SPEF2: variants seen among roughly 807,000 people sequenced by gnomAD.
The protein encoded by SPEF2 is sperm flagellar and cilia associated 2.
In SPEF2, 187 loss-of-function variants were observed where a neutral mutation model predicts 224.6. That is an observed-to-expected ratio of 0.83 (90% confidence interval 0.74 to 0.94). The LOEUF (loss-of-function observed/expected upper bound fraction) is 0.94. Ranked by LOEUF, SPEF2 falls within the 40% of genes least tolerant of loss-of-function variation. The pLI, the probability that SPEF2 is intolerant of heterozygous loss-of-function variation, is 0.00. For synonymous variants in SPEF2, 715 were observed against 707.3 expected (o/e 1.01, Z -0.17); for missense variants, 2,170 against 2,135.6 (o/e 1.02, Z -0.32).
chr5:35,781,363 C>T (rs1754314681), intron 30 of SPEF2: 1 of 152,032 alleles, frequency 6.6e-6, no homozygotes, highest in Non-Finnish European at 1.5e-5. Context: ...TGGAGCAAAA[C>T]TTTGGAGGGA....
intron 19 of SPEF2, among the ~76,000 whole-genome samples, chr5:35,711,575 C>A (rs187829384): frequency 7.2e-6 from 1 of 139,626 alleles, no homozygotes; most frequent in African/African-American, 2.6e-5. Context: ...TTCTTTCTTT[C>A]CCTCCCTCTC....
At chr5:35,775,853 G>C (rs765957255) in intron 28 of SPEF2, among the ~76,000 whole-genome samples, 1 of 152,126 alleles carries the variant, frequency 6.6e-6, no homozygotes, top group Non-Finnish European at 1.5e-5. Context: ...AGGCCCAGGG[G>C]CACATGGAGT....
chr5:35,669,956 T>G, intron 9 of SPEF2, 103 bp from the exon 10 acceptor site: 1 of 881,156 alleles, frequency 1.1e-6, no homozygotes, highest in Non-Finnish European at 1.7e-6. Context: ...TATTTCTGTC[T>G]GATGAAAGTG....
Position 35,739,956 on chromosome 5 carries a change from T to C in SPEF2, c.3101T>C (p.Ile1034Thr), listed in dbSNP as rs767754990. The change falls in exon 22 of 37, where the codon ATA (isoleucine) becomes ACA (threonine). Residue 1034 changes from isoleucine to threonine, a missense_variant. Ile to Thr is a moderately conservative substitution (Grantham distance 89, BLOSUM62 -1). Transcript: ENST00000356031. ...TTTTTAGTACCTTACTGGGAACTAA[T>C]AGAAAATTCCTATATAAACACCATC... The part of the protein sequence containing the change: ...PLFLVPYWEL[I>T]ENSYINTIKT... 4 of 1,614,084 alleles carry C rather than the reference T, an allele frequency of 2.5e-6. No homozygotes were observed. The highest frequency in any genetic ancestry group is 1.1e-5 in the South Asian group (1 of 91,080).
chr5:35,715,915 CG>C (rs775863857), intron 20 of SPEF2, among the ~76,000 whole-genome samples: 1 of 143,888 alleles, frequency 6.9e-6, no homozygotes, highest in Non-Finnish European at 1.5e-5. Context: ...CTCTAAAAAG[CG>C]TATCAGTTAG....
intron 8 of SPEF2, among the ~76,000 whole-genome samples, chr5:35,662,130 G>A (rs1236106693): frequency 6.6e-6 from 1 of 152,148 alleles, no homozygotes. Flanking sequence ...TGACTGGTAT[G>A]AGATGGTATC....
chr5:35,773,756 G>C (rs1177863874), intron 27 of SPEF2, 137 bp from the exon 28 acceptor site: 2 of 984,208 alleles, frequency 2.0e-6, no homozygotes, highest in Non-Finnish European at 2.8e-6. Context: ...ATGCTGGGAG[G>C]ACCAAGGTTT....
intron 36 of SPEF2, chr5:35,807,660 G>C: frequency 8.5e-6 from 13 of 1,536,008 alleles, no homozygotes; most frequent in Non-Finnish European, 9.6e-6. Context: ...CTATGTAGTG[G>C]AAATGATAGT....
intron 1 of SPEF2, among the ~76,000 whole-genome samples, chr5:35,620,684 A>G (rs1743377894): frequency 6.6e-6 from 1 of 152,222 alleles, no homozygotes; most frequent in Non-Finnish European, 1.5e-5. Context: ...CATACTATGA[A>G]TTGTTATGCA....
chr5:35,641,094 T>C (rs1020694803), intron 2 of SPEF2, among the ~76,000 whole-genome samples: 8 of 152,202 alleles, frequency 5.3e-5, no homozygotes, highest in Admixed American at 2.0e-4. Context: ...AGCCACTACC[T>C]GAATGCAATC....
At chr5:35,682,655 T>C (rs1753002297) in intron 10 of SPEF2, among the ~76,000 whole-genome samples, 2 of 152,214 alleles carry the variant, frequency 1.3e-5, no homozygotes, top group Admixed American at 1.3e-4. Flanking sequence ...CTCTGCTAAG[T>C]ATTATTGGTG....
chr5:35,789,152 T>C (rs184121609), intron 30 of SPEF2: 2 of 702,952 alleles, frequency 2.8e-6, no homozygotes, highest in East Asian at 5.4e-5. Flanking sequence ...CCAACCTGTG[T>C]TACAGGCAGG....
At chr5:35,755,442 T>TA (rs1750294637) in intron 24 of SPEF2, among the ~76,000 whole-genome samples, 1 of 152,208 alleles carries the variant, frequency 6.6e-6, no homozygotes, top group African/African-American at 2.4e-5. Context: ...GGAAATGGTA[T>TA]AGTACTCAAT....
At chr5:35,661,290 ATATATATATT>A (rs1352032075) in intron 8 of SPEF2, among the ~76,000 whole-genome samples, 3 of 78,558 alleles carry the variant, frequency 3.8e-5, no homozygotes, top group African/African-American at 1.6e-4. Context: ...ATATATATAT[ATATATATATT>A]ATACACACAT....
intron 2 of SPEF2, among the ~76,000 whole-genome samples, chr5:35,629,594 G>A (rs1201184428): frequency 1.3e-5 from 2 of 152,016 alleles, no homozygotes; most frequent in African/African-American, 4.8e-5. Flanking sequence ...TGTTTTTAGT[G>A]GCTATATTGA....
chr5:35,629,692 C>G (rs1297378872), intron 2 of SPEF2, among the ~76,000 whole-genome samples: 1 of 152,114 alleles, frequency 6.6e-6, no homozygotes, highest in East Asian at 1.9e-4. Flanking sequence ...TCTTCACAAC[C>G]ATCGCCACCA....
intron 30 of SPEF2, chr5:35,789,315 T>C (rs1284869515): frequency 2.8e-6 from 2 of 703,478 alleles, no homozygotes. Flanking sequence ...AATTCCTCAA[T>C]TGCTGACATA....
intron 23 of SPEF2, among the ~76,000 whole-genome samples, chr5:35,742,059 C>G (rs1436009990): frequency 6.6e-6 from 1 of 152,152 alleles, no homozygotes; most frequent in Non-Finnish European, 1.5e-5. Context: ...GTTGTTTTTA[C>G]AAAAATTTGA....
intron 34 of SPEF2, among the ~76,000 whole-genome samples, chr5:35,806,440 G>T (rs575332605): frequency 1.5e-3 from 229 of 152,322 alleles, no homozygotes; most frequent in African/African-American, 5.2e-3. Flanking sequence ...ACCTGGCAGG[G>T]TAGTCAGCCC....
Sources: allele counts gnomAD v4.1 joint callset (sites outside exome capture counted in the v4.1 genomes callset), GRCh38; gene constraint gnomAD v4.1.1; transcripts MANE v1.5; gene names NCBI Gene and HGNC (gene_info 2026-07-23, HGNC 2026-07-21).